ALCAM: variants seen among roughly 807,000 people sequenced by gnomAD.
ALCAM encodes activated leukocyte cell adhesion molecule.
Under a neutral mutation model 70.9 loss-of-function variants are expected in ALCAM, and 30 were observed. That is an observed-to-expected ratio of 0.42 (90% CI 0.32 to 0.57). The LOEUF is 0.57. Ranked by LOEUF, ALCAM falls within the 20% of genes least tolerant of loss-of-function variation. The pLI is 0.11. For synonymous variants in ALCAM, 249 were observed against 242.5 expected (o/e 1.03, Z -0.25); for missense variants, 591 against 695.1 (o/e 0.85, Z 1.68).
Position 105,519,869 on chromosome 3 carries a change from C to G in ALCAM, c.74-198C>G, listed in dbSNP as rs145854616. ...AGTCAAGGATTCAAACATTCAGTAG[C>G]TAAATAGAAAGGTGGTAATTTTTAA... On this transcript the variant is annotated intron_variant, in intron 1 of 15. Transcript: ENST00000306107. 5.1e-3 allele frequency among the ~76,000 whole-genome samples: 770 copies of G among 152,218 alleles called. 4 individuals carry two copies. The highest frequency in any genetic ancestry group is 0.017 in the African/African-American group (690 of 41,546).
At chr3:105,410,678 G>A (rs1431411885) in intron 1 of ALCAM, among the ~76,000 whole-genome samples, 2 of 151,938 alleles carry the variant, frequency 1.3e-5, no homozygotes, top group African/African-American at 4.8e-5. Context: ...AGGTTCAATT[G>A]ACTTAACAGC....
chr3:105,440,337 G>A (rs565833993), intron 1 of ALCAM, among the ~76,000 whole-genome samples: 2 of 152,324 alleles, frequency 1.3e-5, no homozygotes, highest in Admixed American at 1.3e-4. Flanking sequence ...CAATTCTAAT[G>A]TCAATAAGCA....
intron 1 of ALCAM, among the ~76,000 whole-genome samples, chr3:105,459,062 A>G (rs962435638): frequency 2.6e-5 from 4 of 152,130 alleles, no homozygotes; most frequent in Non-Finnish European, 5.9e-5. Flanking sequence ...CACATGCGAA[A>G]TCTTTCCAAG....
intron 1 of ALCAM, among the ~76,000 whole-genome samples, chr3:105,508,921 T>G (rs1407956274): frequency 6.6e-6 from 1 of 152,158 alleles, no homozygotes; most frequent in Non-Finnish European, 1.5e-5. Flanking sequence ...ACTCTCTGTT[T>G]CTGTGTATTT....
At chr3:105,488,478 A>G (rs1331598220) in intron 1 of ALCAM, among the ~76,000 whole-genome samples, 1 of 152,166 alleles carries the variant, frequency 6.6e-6, no homozygotes, top group Non-Finnish European at 1.5e-5. Flanking sequence ...GTACAAATAA[A>G]TGGGAACATT....
At chr3:105,519,974 T>C in intron 1 of ALCAM, 93 bp from the exon 2 acceptor site, 1 of 727,770 alleles carries the variant, frequency 1.4e-6, no homozygotes, top group Non-Finnish European at 2.3e-6. Context: ...TTCATCGACA[T>C]GCATCTTGAA....
In ALCAM at chr3:105,541,664, C is replaced by G; in HGVS notation, c.890C>G (p.Thr297Ser). Residue 297 changes from threonine to serine, a missense_variant, in exon 8 of 16, where the codon ACT (threonine) becomes AGT (serine). By Grantham distance (58) the Thr-to-Ser change is moderately conservative. Around this residue, in one of 2 missense-constraint regions of ALCAM, gnomAD observed 427 missense variants for 450.4 expected, o/e 0.95. Transcript: ENST00000306107. ...CCCGAAGGAATAAGAAGCTCAAATA[C>G]TTACACACTGACGGATGTGAGGCGC... ...GQPEGIRSSN[T>S]YTLTDVRRNA... 1 of 1,612,024 alleles carries G rather than the reference C, an allele frequency of 6.2e-7. No homozygotes were observed. The highest frequency in any genetic ancestry group is 8.5e-7 in the Non-Finnish European group (1 of 1,178,720).
chr3:105,430,673 G>A (rs1434566973), intron 1 of ALCAM, among the ~76,000 whole-genome samples: 1 of 151,788 alleles, frequency 6.6e-6, no homozygotes, highest in African/African-American at 2.4e-5. Context: ...TTCATTTTGT[G>A]GTCTTTAGAA....
At chr3:105,399,528 C>T (rs1936035552) in intron 1 of ALCAM, among the ~76,000 whole-genome samples, 1 of 152,010 alleles carries the variant, frequency 6.6e-6, no homozygotes, top group Non-Finnish European at 1.5e-5. Flanking sequence ...TATAAATACA[C>T]ATATTAGGCC....
chr3:105,525,393 AG>A, intron 3 of ALCAM: 1 of 973,458 alleles, frequency 1.0e-6, no homozygotes, highest in South Asian at 4.8e-5. Context: ...TCAAATAAAA[AG>A]TCCCGCCTCT....
chr3:105,417,832 G>A (rs1936543692), intron 1 of ALCAM, among the ~76,000 whole-genome samples: 1 of 151,696 alleles, frequency 6.6e-6, no homozygotes, highest in Non-Finnish European at 1.5e-5. Flanking sequence ...AGGACATACA[G>A]AAGATAATTT....
At chr3:105,574,223 A>T (rs906866053) in intron 15 of ALCAM, among the ~76,000 whole-genome samples, 2 of 152,078 alleles carry the variant, frequency 1.3e-5, no homozygotes, top group African/African-American at 4.8e-5. Context: ...ATGCAATGAA[A>T]TATTTTCTTG....
At chr3:105,549,506 G>A (rs1275401913) in intron 11 of ALCAM, among the ~76,000 whole-genome samples, 1 of 151,272 alleles carries the variant, frequency 6.6e-6, no homozygotes, top group African/African-American at 2.4e-5. Flanking sequence ...CAAATCCTAG[G>A]GATGAGATTA....
chr3:105,472,707 A>G (rs1937969758), intron 1 of ALCAM, among the ~76,000 whole-genome samples: 1 of 151,440 alleles, frequency 6.6e-6, no homozygotes, highest in African/African-American at 2.4e-5. Context: ...ATGTCTGAAA[A>G]TCAAAACACT....
At position 105,574,123 on chromosome 3, in the gene ALCAM, A is replaced by G. The variant is rs1020894318; in HGVS notation, c.*26-354A>G. Among the ~76,000 whole-genome samples the G allele has an allele frequency of 2.0e-5, 3 of 152,304 alleles. No homozygotes were observed. The South Asian group carries it at 6.2e-4, about 32-fold the overall frequency. Reference sequence around the variant, plus strand: ...TAACTACTGTTTTCTTCAAAATCGTATAACTTCTCAATGAAAAACTGTACT... The same window carrying G: ...TAACTACTGTTTTCTTCAAAATCGTGTAACTTCTCAATGAAAAACTGTACT... On this transcript the variant is annotated intron_variant, in intron 15 of 15. Coordinates refer to ENST00000306107, the MANE Select transcript of ALCAM (RefSeq NM_001627.4).
intron 1 of ALCAM, among the ~76,000 whole-genome samples, chr3:105,436,467 A>G (rs933057391): frequency 6.6e-6 from 1 of 152,090 alleles, no homozygotes; most frequent in African/African-American, 2.4e-5. Context: ...AGCTGGGACT[A>G]TAGGTGCCTG....
intron 15 of ALCAM, among the ~76,000 whole-genome samples, chr3:105,573,973 T>C (rs918330974): frequency 1.3e-5 from 2 of 152,226 alleles, no homozygotes; most frequent in Non-Finnish European, 2.9e-5. Flanking sequence ...GAATCAGAAC[T>C]GGATTGCTTC....
chr3:105,533,536 T>C lies in ALCAM; in HGVS notation c.460-67T>C, dbSNP rs925834406. ...GGAATAACTCTGCATTGCCTGAGTT[T>C]CTGGAGTTTCCAAATTGACAGCCCC... is the stretch of plus-strand genomic sequence containing the variant. On this transcript the variant is annotated intron_variant, in intron 4 of 15. Coordinates refer to ENST00000306107, the MANE Select transcript of ALCAM (RefSeq NM_001627.4). 5.9e-5 allele frequency: 83 copies of C among 1,416,066 alleles called. No homozygotes were observed. In the Middle Eastern group the frequency reaches 9.0e-4, roughly 15 times the overall value. The allele number at this position is 1,416,066 out of a possible 1,614,324, so 87.7% of individuals were successfully genotyped here.
intron 1 of ALCAM, among the ~76,000 whole-genome samples, chr3:105,516,754 C>T (rs530518856): frequency 6.6e-6 from 1 of 152,158 alleles, no homozygotes; most frequent in East Asian, 1.9e-4. Flanking sequence ...TTGACCTGTG[C>T]TTATACACAC....
Sources: gnomAD v4.1 joint callset for allele counts (sites outside exome capture counted in the v4.1 genomes callset) on GRCh38, gnomAD v4.1.1 for gene constraint, gnomAD v4.1.1 regional missense constraint, MANE v1.5 for transcripts, NCBI Gene and HGNC (gene_info 2026-07-23, HGNC 2026-07-21) for gene names.